The following UBE2D3 variants were observed in gnomAD, a reference collection of about 807,000 sequenced individuals.
UBE2D3 encodes ubiquitin-conjugating enzyme E2 D3.
A neutral mutation model predicts 22.8 loss-of-function variants in UBE2D3; 2 were observed. The ratio of observed to expected loss-of-function variants is 0.09; its 90% confidence interval spans 0.04 to 0.28. The LOEUF (loss-of-function observed/expected upper bound fraction) is 0.28. Ranked by LOEUF, UBE2D3 falls within the 10% of genes least tolerant of loss-of-function variation. The pLI is 1.00. For missense variants in UBE2D3, 27 were observed against 182.5 expected, an observed-to-expected ratio of 0.15 and a Z score of 4.91; for synonymous variants, 56 against 60.4, an observed-to-expected ratio of 0.93 and a Z score of 0.34.
At chr4:102,864,393 GA>G (rs1314938780) in intron 1 of UBE2D3, among the ~76,000 whole-genome samples, 4 of 32,758 alleles carry the variant, frequency 1.2e-4, no homozygotes, top group Non-Finnish European at 2.1e-4. Context: ...TGACAGAGCA[GA>G]AAAAGACAGG....
At chr4:102,845,093 CAG>C (rs1464650559) in intron 1 of UBE2D3, among the ~76,000 whole-genome samples, 2 of 149,594 alleles carry the variant, frequency 1.3e-5, no homozygotes, top group African/African-American at 4.9e-5. Context: ...ACCAAAAACA[CAG>C]AAACTAGCTG....
At chr4:102,836,121 T>C (rs1731380638) in intron 1 of UBE2D3, among the ~76,000 whole-genome samples, 1 of 151,240 alleles carries the variant, frequency 6.6e-6, no homozygotes, top group Admixed American at 6.6e-5. Flanking sequence ...CACCAGTCAG[T>C]GGACATTTGG....
intron 1 of UBE2D3, among the ~76,000 whole-genome samples, chr4:102,846,268 T>G (rs1340889562): frequency 6.6e-6 from 1 of 152,228 alleles, no homozygotes; most frequent in African/African-American, 2.4e-5. Context: ...ATTGCATTCC[T>G]TAATGACATG....
At chr4:102,833,016 T>A (rs1314407939) in intron 1 of UBE2D3, among the ~76,000 whole-genome samples, 1 of 124,678 alleles carries the variant, frequency 8.0e-6, no homozygotes. Context: ...AAAAAAAATG[T>A]TTATAGAAAA....
At chr4:102,839,271 T>G (rs993568302) in intron 1 of UBE2D3, among the ~76,000 whole-genome samples, 1 of 152,144 alleles carries the variant, frequency 6.6e-6, no homozygotes, top group Non-Finnish European at 1.5e-5. Flanking sequence ...TTTCTTCTTC[T>G]TTCTTACTTT....
chr4:102,811,166 A>C (rs1445962271), intron 2 of UBE2D3: 1 of 152,230 alleles, frequency 6.6e-6, no homozygotes, highest in Admixed American at 6.5e-5. Flanking sequence ...AGCCTGAACA[A>C]CAAAGGGAGA....
chr4:102,847,812 T>C (rs1732115964), intron 1 of UBE2D3, among the ~76,000 whole-genome samples: 1 of 151,592 alleles, frequency 6.6e-6, no homozygotes, highest in South Asian at 2.1e-4. Context: ...CGCAGCTAAT[T>C]AAAAAAAAAT....
intron 4 of UBE2D3, among the ~76,000 whole-genome samples, chr4:102,806,627 A>G (rs538494821): frequency 1.8e-4 from 28 of 152,230 alleles, no homozygotes; most frequent in Middle Eastern, 3.4e-3. Context: ...CATTTTTCAG[A>G]TACTTTCACA....
At chr4:102,827,358 C>A in intron 1 of UBE2D3, 69 bp downstream of exon 1, 1 of 983,968 alleles carries the variant, frequency 1.0e-6, no homozygotes, top group East Asian at 1.1e-4. Flanking sequence ...TCCCGCACTG[C>A]CCCTCTTACC....
intron 1 of UBE2D3, among the ~76,000 whole-genome samples, chr4:102,856,304 C>A (rs1732614509): frequency 6.6e-6 from 1 of 152,192 alleles, no homozygotes; most frequent in Non-Finnish European, 1.5e-5. Context: ...GAGGCAGAGG[C>A]TGCAGTGAGC....
intron 4 of UBE2D3, among the ~76,000 whole-genome samples, chr4:102,807,155 CGTT>C (rs1160062855): frequency 6.6e-6 from 1 of 152,172 alleles, no homozygotes; most frequent in African/African-American, 2.4e-5. Flanking sequence ...GCAAAAGTGA[CGTT>C]GTTAACTGTC....
At chr4:102,860,429 G>C (rs2978640) in intron 1 of UBE2D3, among the ~76,000 whole-genome samples, 1 of 151,526 alleles carries the variant, frequency 6.6e-6, no homozygotes, top group Non-Finnish European at 1.5e-5. Flanking sequence ...GTGTATGTGT[G>C]TGTGTGTGTG....
intron 1 of UBE2D3, among the ~76,000 whole-genome samples, chr4:102,855,633 A>T (rs1041713325): frequency 1.3e-5 from 2 of 152,122 alleles, no homozygotes; most frequent in African/African-American, 4.8e-5. Flanking sequence ...AACGTTTCCC[A>T]GGCTGCTTCA....
chr4:102,802,802 A>C (rs76735403), intron 4 of UBE2D3, 164 bp from the exon 5 acceptor site: 10 of 445,862 alleles, frequency 2.2e-5, no homozygotes, highest in Non-Finnish European at 3.1e-5. Context: ...ATAGAAAAAA[A>C]CTTAAAACTT....
intron 1 of UBE2D3, among the ~76,000 whole-genome samples, chr4:102,865,221 C>T (rs1255989099): frequency 6.6e-6 from 1 of 152,076 alleles, no homozygotes; most frequent in South Asian, 2.1e-4. Flanking sequence ...CGGCCAGGCA[C>T]GGTGGCTCAC....
rs755573342 is a variant in UBE2D3, at chr4:102,826,535, ACT to A, written c.-29_-28del. ...GTGTGTGCTTGTCGTCTGGCTCCTCACTCTCTCGGTGTATGCTCAAAGGTCCG... is the reference window on the plus strand; with the variant it reads ...GTGTGTGCTTGTCGTCTGGCTCCTCACTCTCGGTGTATGCTCAAAGGTCCG... On this transcript the variant is annotated 5_prime_UTR_variant, in exon 2 of 8. Coordinates refer to ENST00000453744, the MANE Select transcript of UBE2D3 (RefSeq NM_181891.3). 1.1e-5 allele frequency: 17 copies of A among 1,572,932 alleles called. No individual in the cohort carries two copies. The highest frequency in any genetic ancestry group is 4.6e-5 in the African/African-American group (3 of 64,910).
upstream of UBE2D3, among the ~76,000 whole-genome samples, chr4:102,830,415 G>T (rs537813984): frequency 1.3e-4 from 20 of 152,040 alleles, no homozygotes; most frequent in Non-Finnish European, 2.5e-4. Flanking sequence ...TTTACATTTA[G>T]AAATTAATAA....
At chr4:102,847,069 G>A (rs887801550) in intron 1 of UBE2D3, among the ~76,000 whole-genome samples, 9 of 152,142 alleles carry the variant, frequency 5.9e-5, no homozygotes, top group African/African-American at 2.2e-4. Context: ...GAAGATTGAT[G>A]TTCAGAGTTT....
At position 102,805,495 on chromosome 4, in the gene UBE2D3, C is replaced by CTT. The variant is rs5860731; in HGVS notation, c.121-2859_121-2858dup. Among the ~76,000 whole-genome samples the CTT allele has an allele frequency of 4.8e-3, 676 of 140,660 alleles. 4 individuals are homozygous for CTT. Among genetic ancestry groups the CTT allele is most frequent in the African/African-American group, 0.014 (520 of 38,408 alleles). 92.3% of individuals were successfully genotyped at this position (140,660 alleles called of 152,430 possible). A position where few individuals can be genotyped will look rare whatever the true frequency, so the allele number is the denominator to read the frequency against. On this transcript the variant is annotated intron_variant, in intron 4 of 7. Transcript: ENST00000453744. ...TCTGTGGCAATAAAACGTTGGTATT[C>CTT]TTTTTTTTTTTTTTTTAAAGTGGTG...
Sources: gnomAD v4.1 joint callset for allele counts (sites outside exome capture counted in the v4.1 genomes callset) on GRCh38, gnomAD v4.1.1 for gene constraint, MANE v1.5 for transcripts, NCBI Gene and HGNC (gene_info 2026-07-23, HGNC 2026-07-21) for gene names.